PIK3R3: variants seen among roughly 807,000 people sequenced by gnomAD.
PIK3R3 encodes phosphatidylinositol 3-kinase regulatory subunit gamma.
Under a neutral mutation model 62.9 loss-of-function variants are expected in PIK3R3, and 64 were observed. The observed-to-expected ratio is 1.02, with a 90% CI of 0.83 to 1.25. PIK3R3 has a LOEUF of 1.25. Ranked by LOEUF, PIK3R3 falls within the 50% of genes most tolerant of loss-of-function variation. The probability of loss-of-function intolerance (pLI) is 0.00; values close to 1 mark genes in which losing one functional copy is unlikely to be tolerated. For synonymous variants in PIK3R3, 165 were observed against 189.0 expected, an observed-to-expected ratio of 0.87 and a Z score of 1.04; for missense variants, 614 against 561.6, an observed-to-expected ratio of 1.09 and a Z score of -0.94.
chr1:46,048,526 A>G (rs9429179), intron 7 of PIK3R3, among the ~76,000 whole-genome samples: 31,033 of 152,096 alleles, frequency 0.2, 3,637 homozygotes, highest in Non-Finnish European at 0.26. Context: ...CTTATCACCC[A>G]AAGTTTTCTA....
intron 3 of PIK3R3, among the ~76,000 whole-genome samples, chr1:46,074,173 CCAGCTACTCAG>C (rs886202310): frequency 6.7e-6 from 1 of 149,832 alleles, no homozygotes; most frequent in African/African-American, 2.4e-5. Flanking sequence ...GCCTGTAGTC[CCAGCTACTCAG>C]CAGGCTGAGG....
At chr1:46,070,391 T>G (rs1202267182) in intron 3 of PIK3R3, among the ~76,000 whole-genome samples, 1 of 152,210 alleles carries the variant, frequency 6.6e-6, no homozygotes, top group Non-Finnish European at 1.5e-5. Flanking sequence ...AATAGGAGCA[T>G]GAAGGAGTTC....
chr1:46,143,510 C>T, the PIK3R3 span, among the ~76,000 whole-genome samples: 1 of 151,862 alleles, frequency 6.6e-6, no homozygotes, highest in Non-Finnish European at 1.5e-5. Context: ...GTGGTGTAAT[C>T]ACAGCTCACT....
At chr1:46,052,280 G>C (rs1439745837) in intron 7 of PIK3R3, among the ~76,000 whole-genome samples, 1 of 152,142 alleles carries the variant, frequency 6.6e-6, no homozygotes, top group African/African-American at 2.4e-5. Context: ...GCTGACTGGG[G>C]ATACCAGAAA....
intron 1 of PIK3R3, among the ~76,000 whole-genome samples, chr1:46,087,262 T>C (rs1651155190): frequency 6.7e-6 from 1 of 149,774 alleles, no homozygotes. Flanking sequence ...ACTTAAAGTA[T>C]AATAATAAAA....
intron 3 of PIK3R3, among the ~76,000 whole-genome samples, 162 bp from the exon 4 acceptor site, chr1:46,067,253 C>CATATATATATATATATAT (rs71307629): frequency 8.1e-4 from 105 of 130,322 alleles, no homozygotes; most frequent in African/African-American, 1.3e-3. Context: ...TGTGTGTGAA[C>CATATATATATATATATAT]ATATATATAT....
chr1:46,110,502 A>T (rs1653646258), intron 1 of PIK3R3, among the ~76,000 whole-genome samples: 1 of 151,550 alleles, frequency 6.6e-6, no homozygotes, highest in South Asian at 2.1e-4. Context: ...TTTCCCTCAT[A>T]TTCTCAGGCC....
At chr1:46,072,226 G>A (rs1417541571) in intron 3 of PIK3R3, among the ~76,000 whole-genome samples, 3 of 152,124 alleles carry the variant, frequency 2.0e-5, no homozygotes, top group Non-Finnish European at 4.4e-5. Context: ...GTCCTCACTA[G>A]ATTATACATT....
At chr1:46,121,102 CATT>C (rs1654638972) in intron 1 of PIK3R3, among the ~76,000 whole-genome samples, 1 of 152,188 alleles carries the variant, frequency 6.6e-6, no homozygotes, top group African/African-American at 2.4e-5. Context: ...TTTATACTGA[CATT>C]GTTGAACTAC....
intron 1 of PIK3R3, among the ~76,000 whole-genome samples, chr1:46,100,507 T>C (rs1228003008): frequency 5.3e-5 from 8 of 152,208 alleles, no homozygotes. Flanking sequence ...CCTGTGCCAA[T>C]ACCACATTGC....
chr1:46,165,751 C>CTTT, the PIK3R3 span, among the ~76,000 whole-genome samples: 14 of 39,552 alleles, frequency 3.5e-4, 6 homozygotes, highest in Non-Finnish European at 6.4e-4. Context: ...CTGCTTTGTC[C>CTTT]TTTTTTTTTT....
intron 1 of PIK3R3, among the ~76,000 whole-genome samples, chr1:46,086,869 G>A (rs757547971): frequency 2.6e-5 from 4 of 152,082 alleles, no homozygotes; most frequent in Non-Finnish European, 5.9e-5. Flanking sequence ...ACCTGCCCAA[G>A]CAACCAGGCA....
intron 1 of PIK3R3, among the ~76,000 whole-genome samples, chr1:46,104,268 C>T (rs1571506734): frequency 6.6e-6 from 1 of 152,206 alleles, no homozygotes; most frequent in East Asian, 1.9e-4. Flanking sequence ...AAAAGGAAAT[C>T]GTACGGGCCT....
rs1320821694 is a variant in PIK3R3 at position 46,081,150 on chromosome 1, C to T, written c.107-400G>A. On this transcript the variant is annotated intron_variant, in intron 1 of 9. Coordinates refer to ENST00000262741, the MANE Select transcript of PIK3R3 (RefSeq NM_003629.4). Reference sequence around the variant, plus strand: ...GAGTAAATTTTAGGTATTCTTACTACCAAAAAAAAGGGTAACTATGAAATG... The same window carrying T: ...GAGTAAATTTTAGGTATTCTTACTATCAAAAAAAAGGGTAACTATGAAATG... 2.6e-5 allele frequency among the ~76,000 whole-genome samples: 4 copies of T among 151,408 alleles called. No individual in the cohort carries two copies. In the South Asian group the frequency reaches 6.3e-4, roughly 24 times the overall value.
At chr1:46,048,647 C>T (rs1647179383) in intron 7 of PIK3R3, among the ~76,000 whole-genome samples, 1 of 152,062 alleles carries the variant, frequency 6.6e-6, no homozygotes, top group South Asian at 2.1e-4. Flanking sequence ...TTTCTTTTAA[C>T]CACCAACCTC....
chr1:46,060,090 A>G (rs549037061), intron 6 of PIK3R3, among the ~76,000 whole-genome samples: 1 of 151,200 alleles, frequency 6.6e-6, no homozygotes, highest in South Asian at 2.1e-4. Flanking sequence ...ACAGAGCGAG[A>G]CTCCGTCTCA....
At chr1:46,172,856 G>A in the PIK3R3 span, among the ~76,000 whole-genome samples, 327 of 152,122 alleles carry the variant, frequency 2.1e-3, 1 homozygote, top group African/African-American at 7.7e-3. Flanking sequence ...AGCCAGGCAT[G>A]GTGGCACATG....
intron 3 of PIK3R3, 89 bp from the exon 4 acceptor site, chr1:46,067,180 T>C: frequency 1.0e-6 from 1 of 978,290 alleles, no homozygotes; most frequent in South Asian, 1.8e-5. Context: ...AAGCTTGGTG[T>C]CACATGATAA....
intron 1 of PIK3R3, among the ~76,000 whole-genome samples, chr1:46,111,826 G>A (rs1653771381): frequency 6.6e-6 from 1 of 152,082 alleles, no homozygotes; most frequent in Non-Finnish European, 1.5e-5. Flanking sequence ...TTTATATGAA[G>A]TCAACAAACT....
Sources: allele counts gnomAD v4.1 joint callset (sites outside exome capture counted in the v4.1 genomes callset), GRCh38; gene constraint gnomAD v4.1.1; transcripts MANE v1.5; gene names NCBI Gene and HGNC (gene_info 2026-07-23, HGNC 2026-07-21).